RASSF3: variants seen among roughly 807,000 people sequenced by gnomAD.
RASSF3 encodes ras association domain-containing protein 3.
A neutral mutation model predicts 19.9 loss-of-function variants in RASSF3; 19 were observed. That is an observed-to-expected ratio of 0.96 (90% CI 0.67 to 1.40). The LOEUF (loss-of-function observed/expected upper bound fraction) is 1.40, where lower values mean the gene tolerates loss of function less well. Ranked by LOEUF, RASSF3 falls within the 40% of genes most tolerant of loss-of-function variation. RASSF3 has a pLI of 0.00. For synonymous variants in RASSF3, 110 were observed against 104.2 expected (o/e 1.06, Z -0.34); for missense variants, 306 against 289.8 (o/e 1.06, Z -0.41).
intron 1 of RASSF3, among the ~76,000 whole-genome samples, chr12:64,653,783 A>G (rs971006280): frequency 5.3e-5 from 8 of 152,136 alleles, no homozygotes; most frequent in African/African-American, 1.9e-4. Flanking sequence ...CTTGGGCCTT[A>G]GCAATTCTCC....
chr12:64,515,613 A>G (rs544098608), intron 1 of RASSF3: 3 of 152,294 alleles, frequency 2.0e-5, no homozygotes, highest in African/African-American at 7.2e-5. Context: ...TGTAAAATGG[A>G]TATGTGAAAG....
At chr12:64,664,675 C>CT (rs1173059436) in intron 1 of RASSF3, among the ~76,000 whole-genome samples, 1 of 152,126 alleles carries the variant, frequency 6.6e-6, no homozygotes, top group Non-Finnish European at 1.5e-5. Flanking sequence ...CACCACCTGG[C>CT]TTTTTTTGTT....
intron 2 of RASSF3, among the ~76,000 whole-genome samples, chr12:64,557,552 G>A (rs901856317): frequency 6.6e-6 from 1 of 152,094 alleles, no homozygotes; most frequent in African/African-American, 2.4e-5. Flanking sequence ...CTCCAATTCT[G>A]CAGAGCCTAG....
intron 2 of RASSF3, among the ~76,000 whole-genome samples, chr12:64,556,854 T>C (rs1174067217): frequency 2.7e-5 from 3 of 111,250 alleles, no homozygotes; most frequent in Non-Finnish European, 6.2e-5. Context: ...TTTTTTTTTT[T>C]TGAGACAAGT....
At chr12:64,607,815 G>GGTAA (rs1328437029), upstream of RASSF3, among the ~76,000 whole-genome samples, 1 of 152,044 alleles carries the variant, frequency 6.6e-6, no homozygotes, top group Non-Finnish European at 1.5e-5. Context: ...AGAGTGCAGT[G>GGTAA]GTAAGATCAT....
chr12:64,684,907 A>T lies in RASSF3; in HGVS notation c.219+13A>T. 1 of 1,481,042 alleles carries T rather than the reference A, an allele frequency of 6.8e-7. No homozygotes were observed. Among genetic ancestry groups the T allele is most frequent in the Non-Finnish European group, 9.4e-7 (1 of 1,059,518 alleles). 91.7% of individuals were successfully genotyped at this position (1,481,042 alleles called of 1,614,324 possible). On this transcript the variant is annotated intron_variant, in intron 2 of 4. Coordinates refer to ENST00000542104, the MANE Select transcript of RASSF3 (RefSeq NM_178169.4). ...GAAGATGACCTTGGTAAGCACTCAAAATACTATTTAGGTTGACACCTGTCA... is the reference window on the plus strand; with the variant it reads ...GAAGATGACCTTGGTAAGCACTCAATATACTATTTAGGTTGACACCTGTCA...
At chr12:64,534,240 C>G (rs928947042) in intron 1 of RASSF3, among the ~76,000 whole-genome samples, 1 of 151,802 alleles carries the variant, frequency 6.6e-6, no homozygotes, top group African/African-American at 2.4e-5. Context: ...CCAGCCTGGG[C>G]AACAGAGCAA....
downstream of RASSF3, among the ~76,000 whole-genome samples, chr12:64,542,075 G>C (rs1019982882): frequency 6.6e-6 from 1 of 151,762 alleles, no homozygotes; most frequent in African/African-American, 2.4e-5. Flanking sequence ...TTTTTAATCC[G>C]ATGAAGAGCC....
intron 2 of RASSF3, among the ~76,000 whole-genome samples, chr12:64,687,293 C>T (rs551448360): frequency 2.0e-5 from 3 of 152,012 alleles, no homozygotes; most frequent in Non-Finnish European, 2.9e-5. Context: ...TGAGCCACTG[C>T]GCCTGGCCCC....
intron 2 of RASSF3, among the ~76,000 whole-genome samples, chr12:64,601,316 T>C (rs73128265): frequency 0.017 from 2,586 of 152,242 alleles, 39 homozygotes; most frequent in Non-Finnish European, 0.025. Flanking sequence ...ATTTAAAAAA[T>C]AGAAACCATT....
intron 1 of RASSF3, among the ~76,000 whole-genome samples, chr12:64,657,672 C>CT (rs1198080130): frequency 6.6e-6 from 1 of 152,166 alleles, no homozygotes; most frequent in Non-Finnish European, 1.5e-5. Context: ...TGGAGCATCT[C>CT]TTGTGTTTCA....
At chr12:64,694,111 C>T (rs1165233191) in intron 4 of RASSF3, among the ~76,000 whole-genome samples, 2 of 151,976 alleles carry the variant, frequency 1.3e-5, no homozygotes, top group African/African-American at 2.4e-5. Flanking sequence ...GAGATGGGGC[C>T]GGAGAGTTTA....
chr12:64,613,240 A>G (rs1033523674), intron 1 of RASSF3, among the ~76,000 whole-genome samples: 15 of 152,236 alleles, frequency 9.9e-5, no homozygotes, highest in Admixed American at 5.9e-4. Flanking sequence ...GATGATTATA[A>G]GAATAAGATA....
intron 1 of RASSF3, among the ~76,000 whole-genome samples, chr12:64,632,504 G>A (rs1439513549): frequency 6.6e-6 from 1 of 152,138 alleles, no homozygotes; most frequent in Non-Finnish European, 1.5e-5. Flanking sequence ...AAATAGGATA[G>A]TTGCAGTGGG....
At chr12:64,653,794 T>C (rs1242842837) in intron 1 of RASSF3, among the ~76,000 whole-genome samples, 4 of 152,098 alleles carry the variant, frequency 2.6e-5, no homozygotes, top group African/African-American at 9.7e-5. Context: ...GCAATTCTCC[T>C]GCCTTGGCCT....
At chr12:64,667,237 T>G (rs1055239148) in intron 1 of RASSF3, among the ~76,000 whole-genome samples, 7 of 152,134 alleles carry the variant, frequency 4.6e-5, no homozygotes, top group African/African-American at 1.2e-4. Flanking sequence ...ACACATTTAT[T>G]TTGTGAAAGT....
intron 1 of RASSF3, among the ~76,000 whole-genome samples, chr12:64,615,783 C>G (rs1392394789): frequency 6.6e-6 from 1 of 151,682 alleles, no homozygotes; most frequent in Admixed American, 6.6e-5. Context: ...AAATGATTCT[C>G]CTGCCTCAGC....
chr12:64,551,814 G>A (rs7963840), intron 2 of RASSF3, among the ~76,000 whole-genome samples: 99,674 of 152,054 alleles, frequency 0.66, 33,023 homozygotes, highest in East Asian at 0.75. Flanking sequence ...GCAGTCTTCA[G>A]TTAAAGAGAG....
downstream of RASSF3, among the ~76,000 whole-genome samples, chr12:64,543,524 G>A (rs956775323): frequency 2.4e-5 from 1 of 41,276 alleles, no homozygotes; most frequent in Non-Finnish European, 5.8e-5. Context: ...GCCGCCCCCC[G>A]CTCTCCCCCG....
Sources: allele counts gnomAD v4.1 joint callset (sites outside exome capture counted in the v4.1 genomes callset), GRCh38; gene constraint gnomAD v4.1.1; transcripts MANE v1.5; gene names NCBI Gene and HGNC (gene_info 2026-07-23, HGNC 2026-07-21).